The following LRRC59 variants were observed in gnomAD, a reference collection of about 807,000 sequenced individuals.
LRRC59 encodes the protein leucine rich repeat containing 59, also known as leucine-rich repeat-containing protein 59.
In LRRC59, 18 loss-of-function variants were observed where a neutral mutation model predicts 33.5. The observed-to-expected ratio is 0.54, with a 90% CI of 0.37 to 0.80. LRRC59 has a LOEUF of 0.80. Ranked by LOEUF, LRRC59 falls within the 30% of genes least tolerant of loss-of-function variation. The probability of loss-of-function intolerance (pLI) is 0.00; values close to 1 mark genes in which losing one functional copy is unlikely to be tolerated. For missense variants in LRRC59, 330 were observed against 391.9 expected, an observed-to-expected ratio of 0.84 and a Z score of 1.33; for synonymous variants, 138 against 160.0, an observed-to-expected ratio of 0.86 and a Z score of 1.04.
At chr17:50,388,193 A>C in intron 4 of LRRC59, 61 bp from the exon 5 acceptor site, 5 of 1,464,154 alleles carry the variant, frequency 3.4e-6, no homozygotes, top group East Asian at 2.3e-5. Context: ...GGGAAGTCTC[A>C]AAAAACAGAC....
chr17:50,392,391 T>G lies in LRRC59; in HGVS notation c.429+7A>C. The G allele has an allele frequency of 6.2e-7, 1 of 1,612,976 alleles. No individual in the cohort carries two copies. Among genetic ancestry groups the G allele is most frequent in the Non-Finnish European group, 8.5e-7 (1 of 1,179,222 alleles). The stretch of plus-strand genomic sequence containing the variant: ...AAGGAGCCACTGGGAGGGAGCTTGG[T>G]GCTTACCTTGTTTGCACACTGCTTA... On this transcript the variant is annotated splice_region_variant and intron_variant, in intron 4 of 6. Coordinates refer to ENST00000225972, the MANE Select transcript of LRRC59 (RefSeq NM_018509.4).
In LRRC59 at chr17:50,386,800, C is replaced by T. The variant is rs1257317822; in HGVS notation, c.502+1260G>A. Among the ~76,000 whole-genome samples the T allele has an allele frequency of 1.4e-4, 21 of 152,230 alleles. 1 individual carries two copies. Among genetic ancestry groups the T allele is most frequent in the Admixed American group, 1.4e-3 (21 of 15,286 alleles). ...ACCACAAGAGTCCTCCAGTGAGGGGCTCAGAAATCAGCCAGCCAGTCAACA... is the reference window on the plus strand; with the variant it reads ...ACCACAAGAGTCCTCCAGTGAGGGGTTCAGAAATCAGCCAGCCAGTCAACA... On this transcript the variant is annotated intron_variant, in intron 5 of 6. Transcript: ENST00000225972.
At chr17:50,384,929 A>G (rs1234548985) in intron 6 of LRRC59, among the ~76,000 whole-genome samples, 189 bp downstream of exon 6, 1 of 152,156 alleles carries the variant, frequency 6.6e-6, no homozygotes, top group Admixed American at 6.5e-5. Context: ...GGAGAAACAA[A>G]CAAGCTGGGC....
At chr17:50,396,411 T>C (rs1364068080) in intron 1 of LRRC59, 1 of 152,246 alleles carries the variant, frequency 6.6e-6, no homozygotes, top group Non-Finnish European at 1.5e-5. Flanking sequence ...CTAACCACTG[T>C]AATACCCGTC....
chr17:50,383,799 G>GA (rs1913937307), intron 6 of LRRC59, among the ~76,000 whole-genome samples: 1 of 151,658 alleles, frequency 6.6e-6, no homozygotes, highest in Non-Finnish European at 1.5e-5. Context: ...TTTTTAATTA[G>GA]AAAAAAATTG....
intron 6 of LRRC59, among the ~76,000 whole-genome samples, chr17:50,384,662 G>A (rs1387809026): frequency 6.6e-6 from 1 of 151,848 alleles, no homozygotes; most frequent in Non-Finnish European, 1.5e-5. Flanking sequence ...CTACTTTGGA[G>A]GTTGAGGCAA....
chr17:50,388,451 G>A (rs1445232918), intron 4 of LRRC59, among the ~76,000 whole-genome samples: 1 of 152,138 alleles, frequency 6.6e-6, no homozygotes, highest in Non-Finnish European at 1.5e-5. Flanking sequence ...CAAGGAGAGA[G>A]GATTACTTGA....
intron 4 of LRRC59, among the ~76,000 whole-genome samples, chr17:50,388,631 A>G (rs1914069628): frequency 6.6e-6 from 1 of 152,200 alleles, no homozygotes; most frequent in Non-Finnish European, 1.5e-5. Context: ...TTAGTTGGAG[A>G]AGAGTGCTAT....
intron 4 of LRRC59, among the ~76,000 whole-genome samples, chr17:50,390,755 C>T (rs1007745472): frequency 6.6e-6 from 1 of 152,180 alleles, no homozygotes; most frequent in African/African-American, 2.4e-5. Flanking sequence ...TAAACTAATT[C>T]CTGCAGACAG....
rs138967235 is a variant in LRRC59, at chr17:50,385,735, A to G, written c.503-444T>C. 2.7e-3 allele frequency among the ~76,000 whole-genome samples: 408 copies of G among 152,268 alleles called. 2 individuals carry two copies. The highest frequency in any genetic ancestry group is 6.8e-3 in the Middle Eastern group (2 of 294). On this transcript the variant is annotated intron_variant, in intron 5 of 6. Transcript: ENST00000225972. Reference sequence around the variant, plus strand: ...TGAATGTGGTATGGGGGGACAAGTGAGAAGAGAAAATGAGCACTCAAGTTT... The same window carrying G: ...TGAATGTGGTATGGGGGGACAAGTGGGAAGAGAAAATGAGCACTCAAGTTT...
intron 4 of LRRC59, among the ~76,000 whole-genome samples, chr17:50,391,333 A>T (rs960819360): frequency 3.9e-5 from 6 of 152,224 alleles, no homozygotes; most frequent in African/African-American, 1.4e-4. Context: ...TTATATAAGA[A>T]GCCCTGAGCT....
intron 4 of LRRC59, among the ~76,000 whole-genome samples, chr17:50,389,456 C>G (rs1914089345): frequency 6.6e-6 from 1 of 152,070 alleles, no homozygotes; most frequent in Non-Finnish European, 1.5e-5. Context: ...ATCGAGAAAA[C>G]AGAGATAAGA....
rs1487378304 is a variant in LRRC59, at chr17:50,385,157, G to T, written c.637C>A (p.Gln213Lys). The T allele has an allele frequency of 6.2e-7, 1 of 1,614,076 alleles. No individual in the cohort carries two copies. The highest frequency in any genetic ancestry group is 8.5e-7 in the Non-Finnish European group (1 of 1,180,008). ...YDALKAAKRE[Q>K]EKKPKKEANQ... ...GCTTCCTTCTTAGGTTTCTTCTCCT[G>T]CTCCCGCTTGGCTGCTTTGAGGGCA... The change falls in exon 6 of 7, where the codon CAG becomes AAG. Residue 213 changes from glutamine to lysine, a missense_variant. Physicochemically the swap from Gln to Lys is moderately conservative, Grantham distance 53 (BLOSUM62 1). Coordinates refer to ENST00000225972, the MANE Select transcript of LRRC59 (RefSeq NM_018509.4).
rs777976263 is a variant in LRRC59 at position 50,382,598 on chromosome 17, A to C, written c.*390T>G. The C allele has an allele frequency of 3.1e-4, 64 of 209,710 alleles. No individual in the cohort carries two copies. The highest frequency in any genetic ancestry group is 4.8e-4 in the Non-Finnish European group (49 of 102,526). The allele number at this position is 209,710 out of a possible 1,614,324, so 13.0% of individuals were successfully genotyped here. On this transcript the variant is annotated 3_prime_UTR_variant, in exon 7 of 7. Transcript: ENST00000225972. ...TTCCTCCTGATCTACCCTGATTCCC[A>C]GGGAGGAATGAAAGGGTTTGTGGCA...
At chr17:50,384,765 C>CAA (rs5820811) in intron 6 of LRRC59, among the ~76,000 whole-genome samples, 77,594 of 131,718 alleles carry the variant, frequency 0.59, 22,683 homozygotes, top group Non-Finnish European at 0.66. Context: ...AACTCTGTCT[C>CAA]AAAAAAAAAA....
intron 5 of LRRC59, among the ~76,000 whole-genome samples, chr17:50,385,942 A>C (rs2143356398): frequency 6.6e-6 from 1 of 152,328 alleles, no homozygotes; most frequent in East Asian, 1.9e-4. Flanking sequence ...CTGTAGTCCC[A>C]GCTACCTGGG....
intron 4 of LRRC59, among the ~76,000 whole-genome samples, chr17:50,392,160 A>C (rs1030551577): frequency 6.6e-6 from 1 of 152,228 alleles, no homozygotes; most frequent in African/African-American, 2.4e-5. Context: ...AGATTGTGCC[A>C]CTTGCACTCC....
At position 50,393,005 on chromosome 17, in the gene LRRC59, AT is replaced by A. The variant is rs3834594; in HGVS notation, c.166-109del. On this transcript the variant is annotated intron_variant, in intron 2 of 6. Coordinates refer to ENST00000225972, the MANE Select transcript of LRRC59 (RefSeq NM_018509.4). ...GTAACCTTTCTTAAAACATTACGAG[AT>A]TTTTTTTCCTTTTTCAGCTCATCAG... 110 of 1,120,736 alleles carry A rather than the reference AT, an allele frequency of 9.8e-5. 2 individuals carry two copies. The East Asian group carries it at 2.3e-3, about 23-fold the overall frequency. The allele number at this position is 1,120,736 out of a possible 1,614,324, so 69.4% of individuals were successfully genotyped here. A position where few individuals can be genotyped will look rare whatever the true frequency, so the allele number is the denominator to read the frequency against.
intron 5 of LRRC59, 77 bp downstream of exon 5, chr17:50,387,982 TC>T: frequency 1.4e-6 from 2 of 1,423,870 alleles, no homozygotes; most frequent in Non-Finnish European, 2.0e-6. Context: ...CTCTACTGGA[TC>T]CCAGCTCCTG....
Sources: gnomAD v4.1 joint callset for allele counts (sites outside exome capture counted in the v4.1 genomes callset) on GRCh38, gnomAD v4.1.1 for gene constraint, MANE v1.5 for transcripts, NCBI Gene and HGNC (gene_info 2026-07-23, HGNC 2026-07-21) for gene names.